The following MAPKAP1 variants were observed in gnomAD, a reference collection of about 807,000 sequenced individuals.
The protein encoded by MAPKAP1 is MAPK associated protein 1, also known as target of rapamycin complex 2 subunit MAPKAP1.
In MAPKAP1, 20 loss-of-function variants were observed where a neutral mutation model predicts 65.7. The ratio of observed to expected loss-of-function variants is 0.30; its 90% CI spans 0.21 to 0.44. The LOEUF (loss-of-function observed/expected upper bound fraction) is 0.44, where lower values mean the gene tolerates loss of function less well. Ranked by LOEUF, MAPKAP1 falls within the 20% of genes least tolerant of loss-of-function variation. The pLI is 1.00. For synonymous variants in MAPKAP1, 222 were observed against 244.3 expected (o/e 0.91, Z 0.85); for missense variants, 423 against 648.0 (o/e 0.65, Z 3.77).
chr9:125,526,662 ATAAG>A (rs1358525232), intron 7 of MAPKAP1, among the ~76,000 whole-genome samples: 23 of 152,374 alleles, frequency 1.5e-4, no homozygotes, highest in Admixed American at 1.1e-3. Context: ...CAAAGTCCAC[ATAAG>A]TAAGGAAAGA....
At chr9:125,677,550 G>A (rs1275516112) in intron 1 of MAPKAP1, among the ~76,000 whole-genome samples, 2 of 152,086 alleles carry the variant, frequency 1.3e-5, no homozygotes, top group African/African-American at 4.8e-5. Context: ...ATAAAAAGTA[G>A]GGGGGCGTGG....
chr9:125,597,012 C>T (rs867301308), intron 4 of MAPKAP1, among the ~76,000 whole-genome samples: 181 of 149,752 alleles, frequency 1.2e-3, no homozygotes, highest in African/African-American at 4.2e-3. Flanking sequence ...GCCTGTAATC[C>T]CAGCACTTTG....
At chr9:125,647,739 C>T (rs1833770009) in intron 4 of MAPKAP1, among the ~76,000 whole-genome samples, 1 of 152,164 alleles carries the variant, frequency 6.6e-6, no homozygotes, top group Admixed American at 6.5e-5. Context: ...GTGCACGGTG[C>T]AGAGCTGGTA....
chr9:125,596,990 G>A (rs539554565), intron 4 of MAPKAP1, among the ~76,000 whole-genome samples: 10 of 147,198 alleles, frequency 6.8e-5, no homozygotes, highest in East Asian at 4.0e-4. Context: ...AAGGCCAGGC[G>A]CGGTGGCTTA....
intron 4 of MAPKAP1, among the ~76,000 whole-genome samples, chr9:125,613,417 G>C (rs937683782): frequency 4.6e-5 from 7 of 152,146 alleles, no homozygotes; most frequent in Non-Finnish European, 7.3e-5. Context: ...TCCTTCTCAC[G>C]ACACTCAGAA....
At chr9:125,453,470 T>C (rs1286225904) in intron 10 of MAPKAP1, among the ~76,000 whole-genome samples, 1 of 152,260 alleles carries the variant, frequency 6.6e-6, no homozygotes, top group Non-Finnish European at 1.5e-5. Context: ...TTGGTTAAAG[T>C]AAATGAAGAA....
chr9:125,555,405 C>G (rs1394099892), intron 6 of MAPKAP1, among the ~76,000 whole-genome samples: 1 of 152,236 alleles, frequency 6.6e-6, no homozygotes, highest in Non-Finnish European at 1.5e-5. Context: ...ACTATTGAAG[C>G]TGAAACATGA....
At chr9:125,478,923 T>A (rs1446357879) in intron 9 of MAPKAP1, among the ~76,000 whole-genome samples, 1 of 152,184 alleles carries the variant, frequency 6.6e-6, no homozygotes. Context: ...GCTCTTGGTG[T>A]ATTGTAAGTT....
intron 6 of MAPKAP1, among the ~76,000 whole-genome samples, chr9:125,544,267 C>T (rs1830356062): frequency 6.6e-6 from 1 of 152,068 alleles, no homozygotes; most frequent in Admixed American, 6.5e-5. Flanking sequence ...CTCAGCTGCC[C>T]AAAGTGCTGG....
intron 4 of MAPKAP1, among the ~76,000 whole-genome samples, chr9:125,604,386 G>A (rs1832387579): frequency 6.6e-6 from 1 of 152,242 alleles, no homozygotes; most frequent in Non-Finnish European, 1.5e-5. Context: ...CGGCAGTTAT[G>A]AGAAATGCTT....
chr9:125,543,335 C>T (rs1180657377), intron 6 of MAPKAP1, among the ~76,000 whole-genome samples, 167 bp from the exon 7 acceptor site: 6 of 152,078 alleles, frequency 3.9e-5, no homozygotes, highest in Non-Finnish European at 5.9e-5. Flanking sequence ...GGTGCAATCT[C>T]GGCTCACTGC....
intron 8 of MAPKAP1, among the ~76,000 whole-genome samples, chr9:125,485,334 T>C (rs979182832): frequency 6.6e-6 from 1 of 152,172 alleles, no homozygotes; most frequent in Non-Finnish European, 1.5e-5. Flanking sequence ...GGTTGGATCA[T>C]TCATTCATTC....
At chr9:125,609,668 C>T (rs974767698) in intron 4 of MAPKAP1, among the ~76,000 whole-genome samples, 1 of 152,148 alleles carries the variant, frequency 6.6e-6, no homozygotes. Context: ...CTGTTTTCCT[C>T]ATTTTCTGAC....
At chr9:125,680,565 T>C (rs943940313) in intron 1 of MAPKAP1, among the ~76,000 whole-genome samples, 2 of 152,224 alleles carry the variant, frequency 1.3e-5, no homozygotes, top group Non-Finnish European at 2.9e-5. Flanking sequence ...AAGCAGTAAA[T>C]TGTGAGACCA....
Position 125,542,903 on chromosome 9 carries a change from T to G in MAPKAP1, c.958+156A>C, listed in dbSNP as rs1830295099. ...GTCCCTTTCTGAGGCCGAGGGGCAG[T>G]GTACAATCACCTTTTCTTGCATAGA... On this transcript the variant is annotated intron_variant, in intron 7 of 11. Coordinates refer to ENST00000265960, the MANE Select transcript of MAPKAP1 (RefSeq NM_001006617.3). 2 of 765,678 alleles carry G rather than the reference T, an allele frequency of 2.6e-6. 1 individual carries two copies. Among genetic ancestry groups the G allele is most frequent in the South Asian group, 2.7e-5 (2 of 73,730 alleles). 47.4% of individuals were successfully genotyped at this position (765,678 alleles called of 1,614,324 possible). A position where few individuals can be genotyped will look rare whatever the true frequency, so the allele number is the denominator to read the frequency against.
At chr9:125,457,045 G>T (rs2132958245) in intron 10 of MAPKAP1, among the ~76,000 whole-genome samples, 1 of 149,410 alleles carries the variant, frequency 6.7e-6, no homozygotes, top group South Asian at 2.1e-4. Flanking sequence ...CTGGAGTACA[G>T]TGGCGCGATC....
chr9:125,628,308 G>A (rs1833173505), intron 4 of MAPKAP1, among the ~76,000 whole-genome samples: 1 of 152,138 alleles, frequency 6.6e-6, no homozygotes, highest in Non-Finnish European at 1.5e-5. Flanking sequence ...TGGGCAAGAA[G>A]ACAGGGCAGG....
rs1438677510 is a variant in MAPKAP1 at position 125,447,495 on chromosome 9, G to T, written c.1346-2897C>A. On this transcript the variant is annotated intron_variant, in intron 10 of 11. Coordinates refer to ENST00000265960, the MANE Select transcript of MAPKAP1 (RefSeq NM_001006617.3). The surrounding 1 kb of genome is among the most constrained non-coding windows in gnomAD (Gnocchi z 4.5). ...GGAGTGATGAGCGGAACCCTGGGGG[G>T]CAAGGGCAGGTTAAGATCAGCAGCC... 2 of 456,546 alleles carry T rather than the reference G, an allele frequency of 4.4e-6. No homozygotes were observed. Among genetic ancestry groups the T allele is most frequent in the Non-Finnish European group, 8.8e-6 (2 of 226,954 alleles). The allele number at this position is 456,546 out of a possible 1,614,324, so 28.3% of individuals were successfully genotyped here.
At chr9:125,629,054 AACACAC>A (rs71374284) in intron 4 of MAPKAP1, among the ~76,000 whole-genome samples, 48,373 of 147,342 alleles carry the variant, frequency 0.33, 7,935 homozygotes, top group East Asian at 0.6. Context: ...TCACTGTCAA[AACACAC>A]ACACACACAC....
Sources: gnomAD v4.1 joint callset for allele counts (sites outside exome capture counted in the v4.1 genomes callset) on GRCh38, gnomAD v4.1.1 for gene constraint, Gnocchi (gnomAD v3.1) non-coding constraint, MANE v1.5 for transcripts, NCBI Gene and HGNC (gene_info 2026-07-23, HGNC 2026-07-21) for gene names.